The following RAD51B variants were observed in gnomAD, a reference collection of about 807,000 sequenced individuals.
RAD51B encodes DNA repair protein RAD51 homolog 2.
Under a neutral mutation model 42.2 loss-of-function variants are expected in RAD51B, and 38 were observed. That is an observed-to-expected ratio of 0.90 (90% CI 0.70 to 1.18). The LOEUF is 1.18. Among genes scored for constraint, RAD51B ranks in the 50% most tolerant of loss-of-function variants. RAD51B has a pLI of 0.00. For synonymous variants in RAD51B, 154 were observed against 145.2 expected, an observed-to-expected ratio of 1.06 and a Z score of -0.43; for missense variants, 373 against 400.7, an observed-to-expected ratio of 0.93 and a Z score of 0.59.
chr14:68,130,793 G>A (rs1024564581), intron 7 of RAD51B, among the ~76,000 whole-genome samples: 9 of 152,170 alleles, frequency 5.9e-5, no homozygotes, highest in Non-Finnish European at 1.2e-4. Flanking sequence ...AAAGTGCTTG[G>A]CAGTCACAGA....
Position 67,913,440 on chromosome 14 carries a change from G to A in RAD51B, c.756+26236G>A, listed in dbSNP as rs142247139. On this transcript the variant is annotated intron_variant, in intron 7 of 10. Transcript: ENST00000471583. ...TATCTGCAAAGTTAAAACTATTTTC[G>A]TAGTTAGACTAAGATGTCATTTACT... Among the ~76,000 whole-genome samples the A allele has an allele frequency of 3.9e-5, 6 of 152,284 alleles. No individual in the cohort carries two copies. In the East Asian group the frequency reaches 5.8e-4, roughly 15 times the overall value.
intron 5 of RAD51B, among the ~76,000 whole-genome samples, chr14:67,878,209 T>C (rs958911908): frequency 6.6e-6 from 1 of 152,208 alleles, no homozygotes; most frequent in African/African-American, 2.4e-5. Flanking sequence ...TCTCAACCAA[T>C]AGTACTTTGA....
chr14:67,821,381 G>C (rs1239174492), intron 1 of RAD51B, among the ~76,000 whole-genome samples: 1 of 152,202 alleles, frequency 6.6e-6, no homozygotes, highest in Non-Finnish European at 1.5e-5. Context: ...CAAGTGATGG[G>C]AGTGGCCCTA....
intron 10 of RAD51B, among the ~76,000 whole-genome samples, chr14:68,502,953 G>C (rs576216755): frequency 6.6e-6 from 1 of 152,314 alleles, no homozygotes; most frequent in East Asian, 1.9e-4. Context: ...GGGCCCCTGC[G>C]AGGGCATCTT....
chr14:67,867,979 T>C (rs1476839886), intron 5 of RAD51B, among the ~76,000 whole-genome samples: 2 of 152,208 alleles, frequency 1.3e-5, no homozygotes, highest in African/African-American at 2.4e-5. Flanking sequence ...AAATAATTTC[T>C]TCCTATAAAT....
At chr14:67,857,263 TA>T (rs916883578) in intron 4 of RAD51B, among the ~76,000 whole-genome samples, 1 of 152,068 alleles carries the variant, frequency 6.6e-6, no homozygotes, top group South Asian at 2.1e-4. Flanking sequence ...CTGAGATTGT[TA>T]AAAAAAATTA....
At chr14:68,235,703 CA>C (rs57180468) in intron 7 of RAD51B, among the ~76,000 whole-genome samples, 244 of 14,054 alleles carry the variant, frequency 0.017, no homozygotes, top group East Asian at 0.032. Context: ...GACTCCGTCT[CA>C]AAAAAAAAAA....
chr14:68,051,620 G>A (rs774701105), intron 7 of RAD51B, among the ~76,000 whole-genome samples: 20 of 151,494 alleles, frequency 1.3e-4, no homozygotes, highest in Non-Finnish European at 2.7e-4. Context: ...TTAAGAGTCA[G>A]GATCTTGCTT....
At chr14:68,309,199 G>A (rs1022321102) in intron 8 of RAD51B, among the ~76,000 whole-genome samples, 1 of 152,062 alleles carries the variant, frequency 6.6e-6, no homozygotes, top group Non-Finnish European at 1.5e-5. Flanking sequence ...AACTGAGAAG[G>A]CATAAAAGAT....
chr14:67,982,854 A>G (rs1485110801), intron 7 of RAD51B, among the ~76,000 whole-genome samples: 1 of 152,086 alleles, frequency 6.6e-6, no homozygotes, highest in African/African-American at 2.4e-5. Context: ...ACTTGAGCCC[A>G]GGAATTTGAG....
At chr14:68,597,444 A>G (rs976907082), downstream of RAD51B, among the ~76,000 whole-genome samples, 7 of 152,208 alleles carry the variant, frequency 4.6e-5, no homozygotes, top group Admixed American at 2.6e-4. Context: ...TTCATACACT[A>G]TGGAATACTA....
intron 10 of RAD51B, among the ~76,000 whole-genome samples, chr14:68,469,422 GCT>G (rs1204497455): frequency 6.6e-6 from 1 of 152,242 alleles, no homozygotes; most frequent in Non-Finnish European, 1.5e-5. Context: ...GTGCAGCTGA[GCT>G]CCACAGCGGG....
chr14:67,868,157 A>G (rs1044096679), intron 5 of RAD51B, among the ~76,000 whole-genome samples: 13 of 152,186 alleles, frequency 8.5e-5, no homozygotes, highest in African/African-American at 3.1e-4. Flanking sequence ...TGATTTCTGC[A>G]TTTCCATCTG....
intron 8 of RAD51B, among the ~76,000 whole-genome samples, chr14:68,363,624 A>G (rs2083077167): frequency 6.6e-6 from 1 of 152,052 alleles, no homozygotes; most frequent in Non-Finnish European, 1.5e-5. Flanking sequence ...TTTGTTTGCC[A>G]CCTTGTGGTT....
chr14:67,981,066 C>A (rs999738500), intron 7 of RAD51B, among the ~76,000 whole-genome samples: 2 of 151,964 alleles, frequency 1.3e-5, no homozygotes, highest in Non-Finnish European at 2.9e-5. Context: ...AGGTAGACAT[C>A]GGATAGAGTA....
chr14:68,301,470 A>T (rs2081733511), intron 8 of RAD51B, among the ~76,000 whole-genome samples: 1 of 152,154 alleles, frequency 6.6e-6, no homozygotes, highest in Non-Finnish European at 1.5e-5. Context: ...TCCTTCAGGG[A>T]CAAAACTAGA....
At chr14:68,543,136 A>G (rs573138541) in intron 10 of RAD51B, among the ~76,000 whole-genome samples, 89 of 152,332 alleles carry the variant, frequency 5.8e-4, no homozygotes, top group Admixed American at 9.1e-4. Flanking sequence ...CAATTTTATC[A>G]TTGTAGTGCA....
At chr14:68,166,092 C>A (rs2078743804) in intron 7 of RAD51B, among the ~76,000 whole-genome samples, 1 of 150,888 alleles carries the variant, frequency 6.6e-6, no homozygotes, top group Non-Finnish European at 1.5e-5. Flanking sequence ...GAGTGTAAAC[C>A]AAAAGTTGAG....
At chr14:68,009,180 A>G (rs150734406) in intron 7 of RAD51B, among the ~76,000 whole-genome samples, 4 of 152,000 alleles carry the variant, frequency 2.6e-5, no homozygotes, top group Non-Finnish European at 5.9e-5. Flanking sequence ...CATCCCCTGT[A>G]TGCTATCATA....
Sources: allele counts gnomAD v4.1 joint callset (sites outside exome capture counted in the v4.1 genomes callset), GRCh38; gene constraint gnomAD v4.1.1; transcripts MANE v1.5; gene names NCBI Gene and HGNC (gene_info 2026-07-23, HGNC 2026-07-21).